The following MINDY3 variants were observed in gnomAD, a reference collection of about 807,000 sequenced individuals.
MINDY3 encodes ubiquitin carboxyl-terminal hydrolase MINDY-3.
Under a neutral mutation model 69.2 loss-of-function variants are expected in MINDY3, and 38 were observed. The observed-to-expected ratio is 0.55, with a 90% confidence interval of 0.42 to 0.72. The LOEUF is 0.72. Among genes scored for constraint, MINDY3 ranks in the 30% least tolerant of loss-of-function variants. The probability of loss-of-function intolerance (pLI) is 0.00; values close to 1 mark genes in which losing one functional copy is unlikely to be tolerated. For synonymous variants in MINDY3, 192 were observed against 180.1 expected, an observed-to-expected ratio of 1.07 and a Z score of -0.53; for missense variants, 522 against 519.0, an observed-to-expected ratio of 1.01 and a Z score of -0.06.
rs1461413976 is a variant in MINDY3 at position 15,817,644 on chromosome 10, A to G, written c.802-729T>C. 2.0e-5 allele frequency: 3 copies of G among 152,260 alleles called. No individual in the cohort carries two copies. In the East Asian group the frequency reaches 5.8e-4, roughly 29 times the overall value. 9.4% of individuals were successfully genotyped at this position (152,260 alleles called of 1,614,324 possible). A position where few individuals can be genotyped will look rare whatever the true frequency, so the allele number is the denominator to read the frequency against. On this transcript the variant is annotated intron_variant, in intron 9 of 14. Transcript: ENST00000277632. The stretch of plus-strand genomic sequence containing the variant: ...TTATGAAACCCAACACGTTCACACC[A>G]CTCAATTCCACTCTCATATGAAGAC...
chr10:15,784,746 A>C (rs1351583790), intron 13 of MINDY3, among the ~76,000 whole-genome samples: 1 of 152,158 alleles, frequency 6.6e-6, no homozygotes, highest in East Asian at 1.9e-4. Context: ...TAAATAAATA[A>C]ATAGTTTACG....
At chr10:15,810,844 A>T (rs909283476) in intron 10 of MINDY3, among the ~76,000 whole-genome samples, 2 of 152,160 alleles carry the variant, frequency 1.3e-5, no homozygotes, top group Admixed American at 1.3e-4. Context: ...CTTATAACTC[A>T]ATAACAAAAA....
intron 8 of MINDY3, among the ~76,000 whole-genome samples, chr10:15,831,825 A>G (rs960994577): frequency 2.0e-5 from 3 of 151,958 alleles, no homozygotes; most frequent in Non-Finnish European, 2.9e-5. Context: ...ACAGGCATGC[A>G]TCACCACATC....
intron 11 of MINDY3, among the ~76,000 whole-genome samples, chr10:15,794,583 T>G (rs957063693): frequency 6.6e-6 from 1 of 152,092 alleles, no homozygotes; most frequent in Non-Finnish European, 1.5e-5. Context: ...CATTTAGTAA[T>G]TTTCTTTGTC....
At position 15,837,266 on chromosome 10, in the gene MINDY3, A is replaced by G. The variant is rs138505011; in HGVS notation, c.514T>C (p.Tyr172His). 5 of 1,609,228 alleles carry G rather than the reference A, an allele frequency of 3.1e-6. No individual in the cohort carries two copies. In the East Asian group the frequency reaches 1.1e-4, roughly 36 times the overall value. ...PELKDAVLDQ[Y>H]SMWGNKFGVL... is the part of the protein sequence containing the mutation. The stretch of plus-strand genomic sequence containing the variant: ...CCAAATTTATTTCCCCACATTGAAT[A>G]CTGGTCCAAGACAGCATCTTTTAAT... Residue 172 changes from tyrosine to histidine, a missense_variant, in exon 6 of 15, where the codon TAT becomes CAT. By Grantham distance (83) the Tyr-to-His change is moderately conservative (BLOSUM62 2). Coordinates refer to ENST00000277632, the MANE Select transcript of MINDY3 (RefSeq NM_024948.4).
At chr10:15,846,520 T>C (rs890472195) in intron 2 of MINDY3, among the ~76,000 whole-genome samples, 1 of 151,994 alleles carries the variant, frequency 6.6e-6, no homozygotes, top group East Asian at 1.9e-4. Context: ...ACATTCAAAT[T>C]TTTCCTCATT....
intron 8 of MINDY3, among the ~76,000 whole-genome samples, chr10:15,826,572 G>C (rs1840099408): frequency 6.6e-6 from 1 of 152,166 alleles, no homozygotes; most frequent in African/African-American, 2.4e-5. Context: ...GGAACTTGAA[G>C]AGCTGGGAGG....
At chr10:15,845,674 ATTT>A (rs1353427101) in intron 2 of MINDY3, among the ~76,000 whole-genome samples, 6 of 137,574 alleles carry the variant, frequency 4.4e-5, no homozygotes, top group Admixed American at 7.3e-5. Context: ...AATTTTTTCA[ATTT>A]TTTTTTTTTT....
At chr10:15,779,317 G>T (rs561942637) in intron 14 of MINDY3, among the ~76,000 whole-genome samples, 176 bp from the exon 15 acceptor site, 1 of 152,278 alleles carries the variant, frequency 6.6e-6, no homozygotes, top group African/African-American at 2.4e-5. Context: ...TGATTAATGT[G>T]AAAGTAAATT....
At chr10:15,844,209 C>CA (rs1300330873) in intron 2 of MINDY3, among the ~76,000 whole-genome samples, 39 of 152,200 alleles carry the variant, frequency 2.6e-4, no homozygotes, top group African/African-American at 9.1e-4. Flanking sequence ...GGTGTTACAA[C>CA]AAAAAACTAA....
chr10:15,793,935 T>A (rs996728249), intron 11 of MINDY3, among the ~76,000 whole-genome samples: 3 of 152,070 alleles, frequency 2.0e-5, no homozygotes, highest in African/African-American at 7.2e-5. Flanking sequence ...CTATGGAAGA[T>A]GTGGTCTCAT....
At chr10:15,806,110 A>G (rs1838622222) in intron 10 of MINDY3, among the ~76,000 whole-genome samples, 1 of 152,130 alleles carries the variant, frequency 6.6e-6, no homozygotes, top group Non-Finnish European at 1.5e-5. Flanking sequence ...CAGGACTGAA[A>G]TGTCAGGGTT....
At chr10:15,853,617 C>T (rs374161706) in intron 1 of MINDY3, among the ~76,000 whole-genome samples, 5 of 151,988 alleles carry the variant, frequency 3.3e-5, no homozygotes, top group East Asian at 1.9e-4. Context: ...ATATATTCTG[C>T]GGAACAAAAT....
intron 4 of MINDY3, among the ~76,000 whole-genome samples, chr10:15,840,117 TA>T (rs1314395541): frequency 6.6e-6 from 1 of 151,700 alleles, no homozygotes; most frequent in Non-Finnish European, 1.5e-5. Context: ...ACAAAATCTT[TA>T]AAATACCTTT....
chr10:15,804,698 T>C (rs1564475140), intron 10 of MINDY3, among the ~76,000 whole-genome samples: 1 of 152,178 alleles, frequency 6.6e-6, no homozygotes, highest in African/African-American at 2.4e-5. Context: ...TTTATAATGT[T>C]TCACCTTTAG....
intron 10 of MINDY3, among the ~76,000 whole-genome samples, chr10:15,816,260 C>CAAAAAAAAAAAAAAAAAAAAAGA (rs1164005904): frequency 3.7e-5 from 1 of 26,824 alleles, no homozygotes; most frequent in Admixed American, 3.1e-4. Flanking sequence ...GACTCCATCT[C>CAAAAAAAAAAAAAAAAAAAAAGA]AAAAAAAAAA....
At chr10:15,780,593 T>C (rs1480650287) in intron 14 of MINDY3, among the ~76,000 whole-genome samples, 1 of 152,204 alleles carries the variant, frequency 6.6e-6, no homozygotes, top group Non-Finnish European at 1.5e-5. Flanking sequence ...TCAGACTCCA[T>C]CTCACTTTGC....
intron 10 of MINDY3, among the ~76,000 whole-genome samples, chr10:15,806,727 A>T (rs868487122): frequency 6.6e-6 from 1 of 152,172 alleles, no homozygotes; most frequent in African/African-American, 2.4e-5. Context: ...CTTTGGTTTC[A>T]TCTTAATATC....
chr10:15,842,636 C>T (rs1588635471), intron 3 of MINDY3, among the ~76,000 whole-genome samples: 1 of 151,842 alleles, frequency 6.6e-6, no homozygotes, highest in East Asian at 1.9e-4. Flanking sequence ...CTAACTTCTT[C>T]CAGAATTTAC....
Sources: allele counts gnomAD v4.1 joint callset (sites outside exome capture counted in the v4.1 genomes callset), GRCh38; gene constraint gnomAD v4.1.1; transcripts MANE v1.5; gene names NCBI Gene and HGNC (gene_info 2026-07-23, HGNC 2026-07-21).